GALNT14: variants seen among roughly 807,000 people sequenced by gnomAD.
The protein encoded by GALNT14 is UDP-GalNAc:polypeptide N-acetylgalactosaminyltransferase 14.
Under a neutral mutation model 77.5 loss-of-function variants are expected in GALNT14, and 60 were observed. That is an observed-to-expected ratio of 0.77 (90% confidence interval 0.63 to 0.96). The LOEUF (loss-of-function observed/expected upper bound fraction) is 0.96, where lower values mean the gene tolerates loss of function less well. GALNT14 is among the 40% of genes least tolerant of loss of function. GALNT14 has a pLI of 0.00. For missense variants in GALNT14, 710 were observed against 731.0 expected, an observed-to-expected ratio of 0.97 and a Z score of 0.33; for synonymous variants, 280 against 281.7, an observed-to-expected ratio of 0.99 and a Z score of 0.06.
At chr2:30,915,667 C>T (rs566665468) in intron 13 of GALNT14, among the ~76,000 whole-genome samples, 3 of 152,306 alleles carry the variant, frequency 2.0e-5, no homozygotes, top group African/African-American at 7.2e-5. Flanking sequence ...CAGGTCTGGC[C>T]TGGATTCGCT....
At chr2:31,118,695 G>A (rs114681837) in intron 1 of GALNT14, among the ~76,000 whole-genome samples, 1 of 152,176 alleles carries the variant, frequency 6.6e-6, no homozygotes, top group African/African-American at 2.4e-5. Flanking sequence ...AAGTTCTCAT[G>A]AATGCAACAA....
chr2:30,956,045 C>G, intron 4 of GALNT14, 68 bp from the exon 5 acceptor site: 1 of 1,510,730 alleles, frequency 6.6e-7, no homozygotes, highest in Non-Finnish European at 9.2e-7. Context: ...ATTGTGTGCA[C>G]TGCAGGTGAA....
chr2:30,923,929 T>C (rs545503258), intron 13 of GALNT14, among the ~76,000 whole-genome samples, 190 bp downstream of exon 13: 2 of 152,326 alleles, frequency 1.3e-5, no homozygotes, highest in Admixed American at 6.5e-5. Flanking sequence ...AGGAACTCTA[T>C]GCACTTGGAA....
chr2:30,916,025 T>C (rs976251288), intron 13 of GALNT14, among the ~76,000 whole-genome samples: 9 of 152,142 alleles, frequency 5.9e-5, no homozygotes, highest in Non-Finnish European at 1.3e-4. Context: ...AAACAAGTTT[T>C]ATTGGGGTCT....
At chr2:31,036,672 G>C (rs1265336994) in intron 1 of GALNT14, among the ~76,000 whole-genome samples, 1 of 152,104 alleles carries the variant, frequency 6.6e-6, no homozygotes, top group Non-Finnish European at 1.5e-5. Context: ...CTCTTTAGTA[G>C]TTCTTGTGGG....
At chr2:30,902,235 G>C in the GALNT14 span, among the ~76,000 whole-genome samples, 4 of 152,102 alleles carry the variant, frequency 2.6e-5, no homozygotes, top group African/African-American at 9.7e-5. Context: ...TGGCTGCTTT[G>C]CTCACTTTTA....
At chr2:31,115,579 T>C (rs1678065377) in intron 1 of GALNT14, among the ~76,000 whole-genome samples, 1 of 152,104 alleles carries the variant, frequency 6.6e-6, no homozygotes, top group Non-Finnish European at 1.5e-5. Context: ...TAAGAATACC[T>C]GAAAAAGAGG....
At chr2:31,120,729 G>A (rs1277802899) in intron 1 of GALNT14, among the ~76,000 whole-genome samples, 2 of 151,966 alleles carry the variant, frequency 1.3e-5, no homozygotes, top group Admixed American at 6.5e-5. Context: ...GCTAATTTTC[G>A]TATTTTTAGT....
chr2:31,061,099 C>T (rs1674562483), intron 1 of GALNT14, among the ~76,000 whole-genome samples: 1 of 152,150 alleles, frequency 6.6e-6, no homozygotes. Context: ...CAGCTACCAC[C>T]CATGAACCTG....
At chr2:31,102,982 CT>C (rs1677355138) in intron 1 of GALNT14, among the ~76,000 whole-genome samples, 2 of 152,084 alleles carry the variant, frequency 1.3e-5, no homozygotes, top group Admixed American at 6.6e-5. Flanking sequence ...TGTTCCTTCA[CT>C]CATCCTTTTA....
downstream of GALNT14, among the ~76,000 whole-genome samples, chr2:30,906,413 T>A (rs1664143925): frequency 6.7e-6 from 1 of 148,626 alleles, no homozygotes; most frequent in South Asian, 2.2e-4. Flanking sequence ...GCAATCCTAG[T>A]CTCTGATAAA....
In GALNT14 at chr2:31,104,206, C is replaced by A. The variant is rs571049001; in HGVS notation, c.129+33752G>T. 2.4e-4 allele frequency among the ~76,000 whole-genome samples: 36 copies of A among 152,114 alleles called. 1 individual carries two copies. Among genetic ancestry groups the A allele is most frequent in the Non-Finnish European group, 4.9e-4 (33 of 68,006 alleles). The stretch of plus-strand genomic sequence containing the variant: ...TCTTTTTATTTATTGTTTACTTCAC[C>A]ATTCTTTATTAATTTTGAAGTCATT... On this transcript the variant is annotated intron_variant, in intron 1 of 14. Coordinates refer to ENST00000349752, the MANE Select transcript of GALNT14 (RefSeq NM_024572.4).
At chr2:31,035,310 T>C (rs1316233088) in intron 1 of GALNT14, among the ~76,000 whole-genome samples, 1 of 152,146 alleles carries the variant, frequency 6.6e-6, no homozygotes, top group Non-Finnish European at 1.5e-5. Flanking sequence ...ATTTGTTATG[T>C]CTTCTTGATA....
chr2:31,026,017 T>C (rs76283299), intron 1 of GALNT14, among the ~76,000 whole-genome samples: 2,227 of 152,194 alleles, frequency 0.015, 32 homozygotes, highest in Non-Finnish European at 0.026. Context: ...GTTAAACATA[T>C]CTAAAAAAAA....
chr2:30,948,834 C>A (rs1214751163), intron 6 of GALNT14, among the ~76,000 whole-genome samples: 1 of 152,126 alleles, frequency 6.6e-6, no homozygotes, highest in Non-Finnish European at 1.5e-5. Flanking sequence ...TTTGCTTTGA[C>A]TTTAAAAAAA....
intron 1 of GALNT14, among the ~76,000 whole-genome samples, chr2:31,106,115 A>G (rs1407697244): frequency 6.6e-6 from 1 of 152,106 alleles, no homozygotes; most frequent in Non-Finnish European, 1.5e-5. Flanking sequence ...GTTATTCCCT[A>G]TCTTTCGTGT....
intron 1 of GALNT14, among the ~76,000 whole-genome samples, chr2:31,018,154 C>T (rs753893002): frequency 1.1e-4 from 17 of 152,252 alleles, no homozygotes; most frequent in African/African-American, 2.2e-4. Context: ...GAGACAGAGG[C>T]TCGCAGATTT....
At chr2:30,971,526 T>A (rs912955848) in intron 2 of GALNT14, among the ~76,000 whole-genome samples, 4 of 152,122 alleles carry the variant, frequency 2.6e-5, no homozygotes, top group African/African-American at 9.7e-5. Flanking sequence ...ACATGCTGTT[T>A]CTTTCTCTTC....
intron 1 of GALNT14, among the ~76,000 whole-genome samples, chr2:31,087,772 C>T (rs191811652): frequency 5.3e-5 from 8 of 152,308 alleles, no homozygotes; most frequent in East Asian, 1.9e-4. Context: ...ACAGATGATG[C>T]TATAGACTGA....
Sources: allele counts gnomAD v4.1 joint callset (sites outside exome capture counted in the v4.1 genomes callset), GRCh38; gene constraint gnomAD v4.1.1; transcripts MANE v1.5; gene names NCBI Gene and HGNC (gene_info 2026-07-23, HGNC 2026-07-21).